The following ALDH3A2 variants were observed in gnomAD, a reference collection of about 807,000 sequenced individuals.
ALDH3A2 encodes the protein aldehyde dehydrogenase 3 family member A2.
In ALDH3A2, 36 loss-of-function variants were observed where a neutral mutation model predicts 51.3. The ratio of observed to expected loss-of-function variants is 0.70; its 90% CI spans 0.54 to 0.93. The LOEUF (loss-of-function observed/expected upper bound fraction) is 0.93. Ranked by LOEUF, ALDH3A2 falls within the 40% of genes least tolerant of loss-of-function variation. ALDH3A2 has a pLI of 0.00. For missense variants in ALDH3A2, 552 were observed against 603.1 expected, an observed-to-expected ratio of 0.92 and a Z score of 0.89; for synonymous variants, 199 against 219.8, an observed-to-expected ratio of 0.91 and a Z score of 0.84.
chr17:19,670,571 T>C (rs903080497), intron 8 of ALDH3A2, among the ~76,000 whole-genome samples: 1 of 151,198 alleles, frequency 6.6e-6, no homozygotes, highest in Non-Finnish European at 1.5e-5. Flanking sequence ...TTCTTTTTTT[T>C]TTTTTTTTTG....
chr17:19,654,532 G>A lies in ALDH3A2; in HGVS notation c.472-1834G>A, dbSNP rs1195115783. Among the ~76,000 whole-genome samples, 1 of 152,150 alleles carries A rather than the reference G, an allele frequency of 6.6e-6. No homozygotes were observed. The highest frequency in any genetic ancestry group is 6.5e-5 in the Admixed American group (1 of 15,284). On this transcript the variant is annotated intron_variant, in intron 3 of 9. Coordinates refer to ENST00000176643, the MANE Select transcript of ALDH3A2 (RefSeq NM_000382.3). This position sits in a 1 kb window ranked among gnomAD's most constrained non-coding sequence, Gnocchi z 4.5. ...TGGGCTGGCATTGCTGGGGGACCCG[G>A]GGCACCCTCCTCAGCAGCTGGCCCA... is the stretch of plus-strand genomic sequence containing the variant.
At chr17:19,670,860 CCCCTCCCTCATTCTTTA>C (rs1477631837) in intron 8 of ALDH3A2, among the ~76,000 whole-genome samples, 2 of 152,200 alleles carry the variant, frequency 1.3e-5, no homozygotes, top group Non-Finnish European at 2.9e-5. Context: ...CGCACCCGGC[CCCCTCCCTCATTCTTTA>C]CCCTCCCTCA....
chr17:19,648,928 TC>T lies in ALDH3A2; in HGVS notation c.-40del, dbSNP rs2084773122. ...CACCTGCATGCTTCCCGCCTCCCAC[TC>T]CCCAGCGCCCCCGGACCGTGCAGTT... On this transcript the variant is annotated 5_prime_UTR_variant, in exon 1 of 10. Transcript: ENST00000176643. 1.3e-6 allele frequency: 2 copies of T among 1,546,952 alleles called. No homozygotes were observed. Among genetic ancestry groups the T allele is most frequent in the Admixed American group, 1.9e-5 (1 of 51,654 alleles).
At chr17:19,660,733 C>T (rs76917348) in intron 5 of ALDH3A2, among the ~76,000 whole-genome samples, 3,417 of 152,234 alleles carry the variant, frequency 0.022, 67 homozygotes, top group African/African-American at 0.051. Flanking sequence ...CTGTAACTAC[C>T]GAACTTACTG....
In ALDH3A2 at chr17:19,663,500, G is replaced by T; in HGVS notation, c.1107+1G>T. On this transcript the variant is annotated splice_donor_variant, in intron 7 of 9. Coordinates refer to ENST00000176643, the MANE Select transcript of ALDH3A2 (RefSeq NM_000382.3). LOFTEE classifies it high-confidence loss of function. ...TTATGTATTTTCGCATAACCATAAG[G>T]TAAGCTTTAGAGAGAACAGCTAGTT... 1 of 1,613,882 alleles carries T rather than the reference G, an allele frequency of 6.2e-7. No homozygotes were observed. The highest frequency in any genetic ancestry group is 8.5e-7 in the Non-Finnish European group (1 of 1,179,950).
intron 6 of ALDH3A2, among the ~76,000 whole-genome samples, chr17:19,662,958 T>C (rs1347581475): frequency 1.3e-5 from 2 of 151,916 alleles, no homozygotes; most frequent in African/African-American, 2.4e-5. Flanking sequence ...TGAGCCGAGA[T>C]GGCACCATTG....
rs1036490151 is a variant in ALDH3A2 at position 19,651,526 on chromosome 17, A to G, written c.154-21A>G. On this transcript the variant is annotated intron_variant, in intron 1 of 9. Coordinates refer to ENST00000176643, the MANE Select transcript of ALDH3A2 (RefSeq NM_000382.3). Reference sequence around the variant, plus strand: ...GTATCATACTTACTCTGCAAGATTAACTGTGATTCTCTTATAACAGAGTGA... The same window carrying G: ...GTATCATACTTACTCTGCAAGATTAGCTGTGATTCTCTTATAACAGAGTGA... 2.5e-6 allele frequency: 4 copies of G among 1,583,340 alleles called. No homozygotes were observed. The Admixed American group carries it at 6.7e-5, about 26-fold the overall frequency.
In ALDH3A2 at chr17:19,654,672, A is replaced by G. The variant is rs1414241070; in HGVS notation, c.472-1694A>G. 6.6e-6 allele frequency among the ~76,000 whole-genome samples: 1 copy of G among 151,138 alleles called. No homozygotes were observed. The highest frequency in any genetic ancestry group is 1.5e-5 in the Non-Finnish European group (1 of 67,766). ...GCTCTGGCTTGTGAGCGCCACGCGCAGCCCCGGTTCCTGCCTGCGCCTCTC... is the reference window on the plus strand; with the variant it reads ...GCTCTGGCTTGTGAGCGCCACGCGCGGCCCCGGTTCCTGCCTGCGCCTCTC... On this transcript the variant is annotated intron_variant, in intron 3 of 9. Transcript: ENST00000176643. The surrounding 1 kb of genome is among the most constrained non-coding windows in gnomAD (Gnocchi z 4.5).
At chr17:19,663,917 T>C (rs2085001770) in intron 7 of ALDH3A2, among the ~76,000 whole-genome samples, 1 of 152,168 alleles carries the variant, frequency 6.6e-6, no homozygotes, top group Non-Finnish European at 1.5e-5. Flanking sequence ...ACATAAATGG[T>C]TGTGATATGA....
At chr17:19,657,681 G>A (rs746412664) in intron 4 of ALDH3A2, 64 bp from the exon 5 acceptor site, 2 of 1,200,188 alleles carry the variant, frequency 1.7e-6, no homozygotes, top group Non-Finnish European at 2.5e-6. Flanking sequence ...ACAACACAAT[G>A]TAACAAATGA....
intron 2 of ALDH3A2, 93 bp from the exon 3 acceptor site, chr17:19,652,454 G>C: frequency 4.5e-6 from 4 of 896,488 alleles, no homozygotes; most frequent in Non-Finnish European, 5.6e-6. Flanking sequence ...AAATAATTGG[G>C]AGTACCTAGC....
At chr17:19,674,504 A>T (rs1342269109) in intron 9 of ALDH3A2, 1 of 152,184 alleles carries the variant, frequency 6.6e-6, no homozygotes, top group Non-Finnish European at 1.5e-5. Flanking sequence ...TAGCAGAAAC[A>T]AAAAAATGTG....
Position 19,658,120 on chromosome 17 carries a change from T to A in ALDH3A2, c.798+258T>A, listed in dbSNP as rs541609400. Among the ~76,000 whole-genome samples the A allele has an allele frequency of 1.4e-4, 22 of 152,316 alleles. No homozygotes were observed. The East Asian group carries it at 2.3e-3, about 16-fold the overall frequency. ...GATTAGTTGTGGCATATACTTTTTT[T>A]AAAAAAGTTAAATAATCGTGTGTCC... On this transcript the variant is annotated intron_variant, in intron 5 of 9. Coordinates refer to ENST00000176643, the MANE Select transcript of ALDH3A2 (RefSeq NM_000382.3).
intron 8 of ALDH3A2, among the ~76,000 whole-genome samples, chr17:19,671,346 A>T (rs914046372): frequency 6.6e-6 from 1 of 152,196 alleles, no homozygotes; most frequent in Non-Finnish European, 1.5e-5. Context: ...TGGGCAGGTT[A>T]ACTGACCCTG....
rs1034897 is a variant in ALDH3A2, at chr17:19,657,539, A to G, written c.681-206A>G. On this transcript the variant is annotated intron_variant, in intron 4 of 9. Coordinates refer to ENST00000176643, the MANE Select transcript of ALDH3A2 (RefSeq NM_000382.3). ...GAGCTGGCCTGAGAACTTCCCTGCT[A>G]TGTAAAATATTCCACCTCATTTGGA... is the stretch of plus-strand genomic sequence containing the variant. 0.28 allele frequency among the ~76,000 whole-genome samples: 42,303 copies of G among 152,224 alleles called. 6,341 individuals are homozygous for G. Among genetic ancestry groups the G allele is most frequent in the East Asian group, 0.52 (2,704 of 5,192 alleles).
At chr17:19,659,994 T>C (rs1361204438) in intron 5 of ALDH3A2, among the ~76,000 whole-genome samples, 1 of 152,018 alleles carries the variant, frequency 6.6e-6, no homozygotes, top group Non-Finnish European at 1.5e-5. Context: ...TAAAAATGGA[T>C]CCAGATGAGC....
chr17:19,661,127 G>T lies in ALDH3A2; in HGVS notation c.799G>T (p.Glu267Ter), dbSNP rs1457784654. 1 of 1,609,536 alleles carries T rather than the reference G, an allele frequency of 6.2e-7. No individual in the cohort carries two copies. Among genetic ancestry groups the T allele is most frequent in the Admixed American group, 1.7e-5 (1 of 59,988 alleles). The change falls in exon 6 of 10, where the codon GAA becomes TAA. Residue 267 changes from glutamate to a stop codon, truncating the protein, a stop_gained and splice_region_variant. Coordinates refer to ENST00000176643, the MANE Select transcript of ALDH3A2 (RefSeq NM_000382.3). LOFTEE classifies it high-confidence loss of function. ...IVWKIKETVKEFYGENIKESP... is the reference protein window; with the variant it reads ...IVWKIKETVK ...TATATACTCCTGTTGTTTTAAATAG[G>T]AATTTTATGGAGAAAATATAAAAGA...
intron 8 of ALDH3A2, among the ~76,000 whole-genome samples, chr17:19,671,229 C>T (rs1476834941): frequency 3.9e-5 from 6 of 152,144 alleles, no homozygotes; most frequent in African/African-American, 1.4e-4. Context: ...TGTGTGGGGC[C>T]ATGGATGAAT....
At position 19,668,963 on chromosome 17, in the gene ALDH3A2, C is replaced by CTTCTT. The variant is rs1172399125; in HGVS notation, c.1208-2745_1208-2741dup. On this transcript the variant is annotated intron_variant, in intron 8 of 9. Transcript: ENST00000176643. ...TTTCCTTCCCTCCCTCCCTCCTTTT[C>CTTCTT]TTCTTTTCTTTTCTTTTTTCTTTTC... 2.8e-5 allele frequency among the ~76,000 whole-genome samples: 4 copies of CTTCTT among 144,988 alleles called. 1 individual carries two copies. The highest frequency in any genetic ancestry group is 6.1e-5 in the Non-Finnish European group (4 of 65,892).
Sources: gnomAD v4.1 joint callset for allele counts (sites outside exome capture counted in the v4.1 genomes callset) on GRCh38, gnomAD v4.1.1 for gene constraint, Gnocchi (gnomAD v3.1) non-coding constraint, MANE v1.5 for transcripts, NCBI Gene and HGNC (gene_info 2026-07-23, HGNC 2026-07-21) for gene names.